DRG2: variants seen among roughly 807,000 people sequenced by gnomAD.
DRG2 encodes developmentally-regulated GTP-binding protein 2.
DRG2 carries 36 observed loss-of-function variants against 53.4 expected under a neutral mutation model. The ratio of observed to expected loss-of-function variants is 0.67; its 90% CI spans 0.52 to 0.89. The LOEUF (loss-of-function observed/expected upper bound fraction) is 0.89. DRG2 is among the 40% of genes least tolerant of loss of function. The pLI, the probability that DRG2 is intolerant of heterozygous loss-of-function variation, is 0.00. For missense variants in DRG2, 342 were observed against 481.2 expected (o/e 0.71, Z 2.71); for synonymous variants, 167 against 192.1 (o/e 0.87, Z 1.08).
At chr17:18,097,352 C>T (rs367834435) in intron 2 of DRG2, 1 of 152,222 alleles carries the variant, frequency 6.6e-6, no homozygotes, top group Non-Finnish European at 1.5e-5. Flanking sequence ...GGGGAGGGTG[C>T]CCCCAGTCTT....
chr17:18,097,565 A>G (rs2045454200), intron 2 of DRG2: 1 of 152,128 alleles, frequency 6.6e-6, no homozygotes, highest in Admixed American at 6.5e-5. Flanking sequence ...AGTGAGGCAC[A>G]TCCCGGGCCT....
chr17:18,090,395 TATATATA>T (rs1407007128), intron 1 of DRG2, among the ~76,000 whole-genome samples: 31 of 15,038 alleles, frequency 2.1e-3, no homozygotes, highest in African/African-American at 0.01. Context: ...TATATATATA[TATATATA>T]TATATTTTTT....
At chr17:18,094,704 G>A (rs1195429757) in intron 2 of DRG2, among the ~76,000 whole-genome samples, 1 of 152,044 alleles carries the variant, frequency 6.6e-6, no homozygotes, top group Non-Finnish European at 1.5e-5. Flanking sequence ...GCCGGGCGCG[G>A]TGGCTCACAC....
At position 18,099,471 on chromosome 17, in the gene DRG2, C is replaced by T; in HGVS notation, c.377-162C>T. ...TGTCGGATTTTCTTCTGAAATAAGTCTCCGTCAGTAAAACATGTGGATTAA... is the reference window on the plus strand; with the variant it reads ...TGTCGGATTTTCTTCTGAAATAAGTTTCCGTCAGTAAAACATGTGGATTAA... On this transcript the variant is annotated intron_variant, in intron 4 of 12. Transcript: ENST00000225729. This position sits in a 1 kb window ranked among gnomAD's most constrained non-coding sequence, Gnocchi z 4.4. The T allele has an allele frequency of 1.4e-6, 1 of 738,186 alleles. No individual in the cohort carries two copies. The highest frequency in any genetic ancestry group is 2.3e-6 in the Non-Finnish European group (1 of 427,668). The allele number at this position is 738,186 out of a possible 1,614,324, so 45.7% of individuals were successfully genotyped here.
At chr17:18,104,387 G>T (rs1230550244) in intron 10 of DRG2, among the ~76,000 whole-genome samples, 6 of 152,228 alleles carry the variant, frequency 3.9e-5, no homozygotes, top group Non-Finnish European at 8.8e-5. Context: ...CAGCAGATGG[G>T]TGGCAGGCAC....
At chr17:18,102,817 G>A (rs535531602) in intron 9 of DRG2, among the ~76,000 whole-genome samples, 282 of 152,194 alleles carry the variant, frequency 1.9e-3, no homozygotes, top group African/African-American at 6.6e-3. Context: ...TGCAGGGTGG[G>A]TCCCTGGGGT....
At chr17:18,104,738 C>T (rs2045598384) in intron 11 of DRG2, 57 bp downstream of exon 11, 3 of 1,612,110 alleles carry the variant, frequency 1.9e-6, no homozygotes, top group African/African-American at 2.7e-5. Context: ...CCCTTTGGGG[C>T]TCTGTTCTGC....
At chr17:18,106,606 A>G in intron 12 of DRG2, 120 bp downstream of exon 12, 1 of 1,117,564 alleles carries the variant, frequency 8.9e-7, no homozygotes, top group Non-Finnish European at 1.3e-6. Context: ...GGGGATTGGC[A>G]TGTCTGTGTG....
In DRG2 at chr17:18,107,210, T is replaced by G. The variant is rs778885584; in HGVS notation, c.1065T>G (p.His355Gln). Residue 355 changes from histidine (H) to glutamine (Q), a missense_variant, in exon 13 of 13, where the codon CAT becomes CAG. By Grantham distance (24) the His-to-Gln change is conservative. Transcript: ENST00000225729. ...QRVGLTHTME[H>Q]EDVIQIVKK ...TGGGCCTGACCCACACCATGGAGCA[T>G]GAGGACGTCATCCAGATCGTGAAGA... 6.2e-7 allele frequency: 1 copy of G among 1,613,410 alleles called. No homozygotes were observed. Among genetic ancestry groups the G allele is most frequent in the South Asian group, 1.1e-5 (1 of 91,088 alleles).
intron 1 of DRG2, among the ~76,000 whole-genome samples, chr17:18,092,240 G>A (rs547203418): frequency 2.6e-5 from 4 of 152,282 alleles, no homozygotes; most frequent in Non-Finnish European, 5.9e-5. Flanking sequence ...GAGGCAGGAG[G>A]ATTGCTTACA....
At position 18,099,418 on chromosome 17, in the gene DRG2, T is replaced by C; in HGVS notation, c.377-215T>C. 1.6e-6 allele frequency: 1 copy of C among 639,206 alleles called. No individual in the cohort carries two copies. Among genetic ancestry groups the C allele is most frequent in the South Asian group, 1.9e-5 (1 of 53,862 alleles). The allele number at this position is 639,206 out of a possible 1,614,324, so 39.6% of individuals were successfully genotyped here. The stretch of plus-strand genomic sequence containing the variant: ...GGGGTGGGCGTAGGACAGCCGTTAT[T>C]ATCCTGTTACTCCTTTTATGATGGT... On this transcript the variant is annotated intron_variant, in intron 4 of 12. Coordinates refer to ENST00000225729, the MANE Select transcript of DRG2 (RefSeq NM_001388.5). The surrounding 1 kb of genome is among the most constrained non-coding windows in gnomAD (Gnocchi z 4.4).
intron 2 of DRG2, chr17:18,096,730 A>G (rs1009420970): frequency 1.3e-5 from 2 of 152,226 alleles, no homozygotes; most frequent in African/African-American, 4.8e-5. Context: ...GGCAAAGTGA[A>G]GTGGGACAGT....
At chr17:18,102,383 G>A (rs1318393959) in intron 9 of DRG2, among the ~76,000 whole-genome samples, 2 of 152,182 alleles carry the variant, frequency 1.3e-5, no homozygotes, top group African/African-American at 4.8e-5. Context: ...AGCACTTTGG[G>A]GGGCTGTGGC....
At chr17:18,097,950 AG>A in intron 2 of DRG2, 1 of 198,254 alleles carries the variant, frequency 5.0e-6, no homozygotes. Context: ...TGGGGCCAAG[AG>A]GGCCTGGAGG....
At chr17:18,104,710 G>A in intron 11 of DRG2, 29 bp downstream of exon 11, 1 of 1,613,760 alleles carries the variant, frequency 6.2e-7, no homozygotes, top group Non-Finnish European at 8.5e-7. Flanking sequence ...CCGTGACAAG[G>A]GGTGGGAGCT....
At chr17:18,106,620 G>C in intron 12 of DRG2, 134 bp downstream of exon 12, 1 of 967,640 alleles carries the variant, frequency 1.0e-6, no homozygotes, top group Non-Finnish European at 1.6e-6. Flanking sequence ...CTGTGTGTCT[G>C]TCCTCCATAG....
chr17:18,091,414 C>T (rs1010947913), intron 1 of DRG2, among the ~76,000 whole-genome samples: 2 of 152,088 alleles, frequency 1.3e-5, no homozygotes, highest in African/African-American at 2.4e-5. Context: ...GGTGAAACCC[C>T]GTCTCTACTA....
Position 18,098,963 on chromosome 17 carries a change from C to T in DRG2, c.316-54C>T. ...CCAGATGTCCCAGATCCAGACAGGA[C>T]CTTTCCAGTGGAGGCCCAGCCTTGC... On this transcript the variant is annotated intron_variant, in intron 3 of 12. Transcript: ENST00000225729. The surrounding 1 kb of genome is among the most constrained non-coding windows in gnomAD (Gnocchi z 4.1). 9 of 1,602,058 alleles carry T rather than the reference C, an allele frequency of 5.6e-6. No homozygotes were observed. The highest frequency in any genetic ancestry group is 7.7e-6 in the Non-Finnish European group (9 of 1,169,942).
In DRG2 at chr17:18,098,195, G is replaced by A. The variant is rs1271193019; in HGVS notation, c.226-75G>A. The A allele has an allele frequency of 1.6e-6, 2 of 1,278,222 alleles. No individual in the cohort carries two copies. The highest frequency in any genetic ancestry group is 4.7e-5 in the East Asian group (2 of 42,240). 79.2% of individuals were successfully genotyped at this position (1,278,222 alleles called of 1,614,324 possible). On this transcript the variant is annotated intron_variant, in intron 2 of 12. Transcript: ENST00000225729. This position sits in a 1 kb window ranked among gnomAD's most constrained non-coding sequence, Gnocchi z 4.1. ...CTCCTCCTGCTGCCTGCACCTGCAG[G>A]CCCCCAGCCCCTGGGGCCTCTCCCA...
Sources: gnomAD v4.1 joint callset for allele counts (sites outside exome capture counted in the v4.1 genomes callset) on GRCh38, gnomAD v4.1.1 for gene constraint, Gnocchi (gnomAD v3.1) non-coding constraint, MANE v1.5 for transcripts, NCBI Gene and HGNC (gene_info 2026-07-23, HGNC 2026-07-21) for gene names.